The following YWHAH variants were observed in gnomAD, a reference collection of about 807,000 sequenced individuals.
The protein encoded by YWHAH is tyrosine 3-monooxygenase/tryptophan 5-monooxygenase activation protein eta.
In YWHAH, 6 loss-of-function variants were observed where a neutral mutation model predicts 22.9. The observed-to-expected ratio is 0.26, with a 90% CI of 0.14 to 0.52. YWHAH has a LOEUF of 0.52. Ranked by LOEUF, YWHAH falls within the 20% of genes least tolerant of loss-of-function variation. YWHAH has a pLI of 0.97. For synonymous variants in YWHAH, 135 were observed against 124.5 expected, an observed-to-expected ratio of 1.08 and a Z score of -0.56; for missense variants, 173 against 308.6, an observed-to-expected ratio of 0.56 and a Z score of 3.29.
rs2093850571 is a variant in YWHAH at position 31,957,135 on chromosome 22, A to G, written c.*343A>G. 4.8e-6 allele frequency: 1 copy of G among 206,206 alleles called. No homozygotes were observed. Among genetic ancestry groups the G allele is most frequent in the African/African-American group, 2.3e-5 (1 of 42,976 alleles). 12.8% of individuals were successfully genotyped at this position (206,206 alleles called of 1,614,324 possible). Reference sequence around the variant, plus strand: ...AACCAGGCTACAGTTGATATTTAAAAGATCCATTTAAAACAAGCTGATAGT... The same window carrying G: ...AACCAGGCTACAGTTGATATTTAAAGGATCCATTTAAAACAAGCTGATAGT... On this transcript the variant is annotated 3_prime_UTR_variant, in exon 2 of 2. Coordinates refer to ENST00000248975, the MANE Select transcript of YWHAH (RefSeq NM_003405.4).
Position 31,956,063 on chromosome 22 carries a change from A to C in YWHAH, c.88-76A>C, listed in dbSNP as rs1012685805. 4.0e-6 allele frequency: 6 copies of C among 1,495,454 alleles called. No homozygotes were observed. The highest frequency in any genetic ancestry group is 4.5e-6 in the Non-Finnish European group (5 of 1,113,520). 92.6% of individuals were successfully genotyped at this position (1,495,454 alleles called of 1,614,324 possible). A position where few individuals can be genotyped will look rare whatever the true frequency, so the allele number is the denominator to read the frequency against. On this transcript the variant is annotated intron_variant, in intron 1 of 1. Coordinates refer to ENST00000248975, the MANE Select transcript of YWHAH (RefSeq NM_003405.4). This position sits in a 1 kb window ranked among gnomAD's most constrained non-coding sequence, Gnocchi z 5.1. ...ATTCCGTTCTTGAGAAGGATTGTTG[A>C]TTATGTTGAAGGGAAGGCTTCTTAC...
intron 1 of YWHAH, 142 bp downstream of exon 1, chr22:31,944,962 C>G (rs2093831383): frequency 8.9e-7 from 1 of 1,120,592 alleles, no homozygotes; most frequent in African/African-American, 1.6e-5. Context: ...CGCCCTTAGC[C>G]CGCGCTTCCC....
intron 1 of YWHAH, among the ~76,000 whole-genome samples, chr22:31,954,523 C>T (rs181055854): frequency 3.9e-4 from 59 of 152,196 alleles, no homozygotes; most frequent in Admixed American, 2.4e-3. Flanking sequence ...GAACCTAGTA[C>T]GACAAACTGG....
intron 1 of YWHAH, among the ~76,000 whole-genome samples, chr22:31,953,802 A>G (rs1167004976): frequency 6.6e-6 from 1 of 151,336 alleles, no homozygotes; most frequent in Non-Finnish European, 1.5e-5. Context: ...CAAAGACCAC[A>G]CTGAAGAAAG....
Position 31,956,567 on chromosome 22 carries a change from G to A in YWHAH, c.516G>A (p.Arg172=), listed in dbSNP as rs750997440. 3.7e-6 allele frequency: 6 copies of A among 1,614,170 alleles called. No homozygotes were observed. Among genetic ancestry groups the A allele is most frequent in the Non-Finnish European group, 5.1e-6 (6 of 1,180,042 alleles). The change falls in exon 2 of 2, where the codon CGG becomes CGA. Residue 172 remains arginine (R), a synonymous_variant. Coordinates refer to ENST00000248975, the MANE Select transcript of YWHAH (RefSeq NM_003405.4). This position sits in a 1 kb window ranked among gnomAD's most constrained non-coding sequence, Gnocchi z 5.1. ...KEQMQPTHPI[R]LGLALNFSVF... is the part of the protein sequence containing the mutation. ...AGATGCAACCCACGCATCCCATCCG[G>A]CTGGGCCTGGCCCTCAACTTCTCCG...
chr22:31,956,290 A>G lies in YWHAH; in HGVS notation c.239A>G (p.Glu80Gly), dbSNP rs1157771928. The change falls in exon 2 of 2, where the codon GAG becomes GGG. Residue 80 changes from glutamate (E) to glycine (G), a missense_variant. Coordinates refer to ENST00000248975, the MANE Select transcript of YWHAH (RefSeq NM_003405.4). This position sits in a 1 kb window ranked among gnomAD's most constrained non-coding sequence, Gnocchi z 5.1. The stretch of plus-strand genomic sequence containing the variant: ...GCTGATGGAAACGAAAAGAAATTGG[A>G]GAAAGTTAAAGCTTACCGGGAGAAG... ...TMADGNEKKL[E>G]KVKAYREKIE... The G allele has an allele frequency of 6.2e-7, 1 of 1,614,086 alleles. No homozygotes were observed. Among genetic ancestry groups the G allele is most frequent in the Non-Finnish European group, 8.5e-7 (1 of 1,180,046 alleles).
intron 1 of YWHAH, among the ~76,000 whole-genome samples, chr22:31,954,999 GC>G (rs2093847805): frequency 6.6e-6 from 1 of 152,110 alleles, no homozygotes; most frequent in Non-Finnish European, 1.5e-5. Context: ...CTTGTAGTTG[GC>G]ATCATGGAGA....
rs373543459 is a variant in YWHAH, at chr22:31,950,436, C to G, written c.87+5616C>G. 1.9e-5 allele frequency: 15 copies of G among 778,384 alleles called. No homozygotes were observed. In the African/African-American group the frequency reaches 2.4e-4, roughly 12 times the overall value. The allele number at this position is 778,384 out of a possible 1,614,324, so 48.2% of individuals were successfully genotyped here. On this transcript the variant is annotated intron_variant, in intron 1 of 1. Transcript: ENST00000248975. ...CCTTCTGCGGTGGTGAGTGTTAGCA[C>G]TTCCAATGATCCGAACCTGGCACAG...
intron 1 of YWHAH, among the ~76,000 whole-genome samples, chr22:31,951,451 G>A (rs1474449321): frequency 6.6e-6 from 1 of 152,188 alleles, no homozygotes; most frequent in Non-Finnish European, 1.5e-5. Flanking sequence ...AACTTAGGCA[G>A]CTATGGCCTG....
At chr22:31,951,972 G>A (rs149692750) in intron 1 of YWHAH, among the ~76,000 whole-genome samples, 2 of 152,294 alleles carry the variant, frequency 1.3e-5, no homozygotes, top group Non-Finnish European at 2.9e-5. Flanking sequence ...GAGAGGCTGT[G>A]AGCAGGGGTG....
At chr22:31,948,990 T>G (rs2093838980) in intron 1 of YWHAH, among the ~76,000 whole-genome samples, 1 of 152,094 alleles carries the variant, frequency 6.6e-6, no homozygotes, top group Admixed American at 6.6e-5. Context: ...TGGTGGGGAT[T>G]TTCTTTAGTT....
At chr22:31,950,539 C>A in intron 1 of YWHAH, 2 of 549,818 alleles carry the variant, frequency 3.6e-6, no homozygotes, top group East Asian at 2.9e-5. Flanking sequence ...TGTATTTAAT[C>A]CTTGCCAATC....
chr22:31,945,796 C>T (rs975513025), intron 1 of YWHAH: 11 of 838,750 alleles, frequency 1.3e-5, no homozygotes, highest in Non-Finnish European at 1.7e-5. Context: ...TTGAACTCCG[C>T]CTTAGACCTA....
intron 1 of YWHAH, 23 bp downstream of exon 1, chr22:31,944,843 C>A: frequency 7.4e-7 from 1 of 1,345,316 alleles, no homozygotes; most frequent in South Asian, 1.6e-5. Flanking sequence ...GGAGCCCGGG[C>A]GGCTGGCCGG....
chr22:31,950,299 T>A, intron 1 of YWHAH: 1 of 779,388 alleles, frequency 1.3e-6, no homozygotes, highest in East Asian at 2.4e-5. Flanking sequence ...CCAAAATTTC[T>A]GTCTCTAGGT....
At position 31,951,195 on chromosome 22, in the gene YWHAH, C is replaced by T. The variant is rs111453095; in HGVS notation, c.88-4944C>T. On this transcript the variant is annotated intron_variant, in intron 1 of 1. Coordinates refer to ENST00000248975, the MANE Select transcript of YWHAH (RefSeq NM_003405.4). ...AGGTGTGAGCCATCACACCTGGCCCCTCAAACCCTCAAACTGACTTTTCTC... is the reference window on the plus strand; with the variant it reads ...AGGTGTGAGCCATCACACCTGGCCCTTCAAACCCTCAAACTGACTTTTCTC... Among the ~76,000 whole-genome samples the T allele has an allele frequency of 4.7e-3, 720 of 152,230 alleles. 12 individuals carry two copies. Among genetic ancestry groups the T allele is most frequent in the African/African-American group, 0.016 (678 of 41,520 alleles).
intron 1 of YWHAH, among the ~76,000 whole-genome samples, chr22:31,955,929 G>GTATT (rs1442986036): frequency 6.6e-6 from 1 of 152,138 alleles, no homozygotes; most frequent in Non-Finnish European, 1.5e-5. Flanking sequence ...TGGGTGCCAA[G>GTATT]TATTTATCTC....
At chr22:31,953,971 A>G (rs1020722380) in intron 1 of YWHAH, among the ~76,000 whole-genome samples, 1 of 152,050 alleles carries the variant, frequency 6.6e-6, no homozygotes, top group Non-Finnish European at 1.5e-5. Context: ...TGCTTGTTTT[A>G]CTTTGTGAGA....
At position 31,950,353 on chromosome 22, in the gene YWHAH, C is replaced by A. The variant is rs780826634; in HGVS notation, c.87+5533C>A. ...TAGTGTCCAAGTGGAGGCAGCTTGT[C>A]TTCTGTCCCAGCATTTTGGTGCTCC... On this transcript the variant is annotated intron_variant, in intron 1 of 1. Coordinates refer to ENST00000248975, the MANE Select transcript of YWHAH (RefSeq NM_003405.4). 6.4e-6 allele frequency: 5 copies of A among 779,410 alleles called. No individual in the cohort carries two copies. The African/African-American group carries it at 8.5e-5, about 13-fold the overall frequency. 48.3% of individuals were successfully genotyped at this position (779,410 alleles called of 1,614,324 possible).
Sources: gnomAD v4.1 joint callset for allele counts (sites outside exome capture counted in the v4.1 genomes callset) on GRCh38, gnomAD v4.1.1 for gene constraint, Gnocchi (gnomAD v3.1) non-coding constraint, MANE v1.5 for transcripts, NCBI Gene and HGNC (gene_info 2026-07-23, HGNC 2026-07-21) for gene names.